Variants in PACRGL observed in about 807,000 individuals in gnomAD.
PACRGL encodes the protein PACRG-like protein.
A neutral mutation model predicts 34.5 loss-of-function variants in PACRGL; 38 were observed. That is an observed-to-expected ratio of 1.10 (90% CI 0.85 to 1.44). PACRGL has a LOEUF of 1.44. Ranked by LOEUF, PACRGL falls within the 40% of genes most tolerant of loss-of-function variation. The probability of loss-of-function intolerance (pLI) is 0.00; values close to 1 mark genes in which losing one functional copy is unlikely to be tolerated. For synonymous variants in PACRGL, 128 were observed against 100.1 expected (o/e 1.28, Z -1.66); for missense variants, 305 against 281.4 (o/e 1.08, Z -0.60).
chr4:20,759,724 G>A, the PACRGL span, among the ~76,000 whole-genome samples: 1 of 152,190 alleles, frequency 6.6e-6, no homozygotes, highest in East Asian at 1.9e-4. Flanking sequence ...CAAGCAAATT[G>A]TCCCCCAATC....
intron 8 of PACRGL, among the ~76,000 whole-genome samples, chr4:20,726,984 G>A (rs146835088): frequency 0.011 from 1,624 of 152,144 alleles, 20 homozygotes; most frequent in Non-Finnish European, 0.014. Flanking sequence ...TAAAGATCAC[G>A]GAACTTAGGC....
chr4:20,722,658 C>G (rs1476548100), intron 7 of PACRGL, among the ~76,000 whole-genome samples: 2 of 152,254 alleles, frequency 1.3e-5, no homozygotes, highest in East Asian at 3.9e-4. Context: ...CGAGCTAATA[C>G]CCTGTGAACC....
intron 5 of PACRGL, 48 bp from the exon 6 acceptor site, chr4:20,712,740 G>A (rs1453456739): frequency 1.5e-6 from 2 of 1,353,602 alleles, no homozygotes; most frequent in Non-Finnish European, 9.6e-7. Context: ...TCTGTTATTA[G>A]CATAATGAAA....
At chr4:20,721,699 G>C (rs1578295659) in intron 7 of PACRGL, among the ~76,000 whole-genome samples, 1 of 152,308 alleles carries the variant, frequency 6.6e-6, no homozygotes. Flanking sequence ...TCGTCTCAGA[G>C]GGGTACTCGG....
chr4:20,740,556 C>A (rs985689432), intron 8 of PACRGL, among the ~76,000 whole-genome samples: 2 of 152,152 alleles, frequency 1.3e-5, no homozygotes, highest in Non-Finnish European at 2.9e-5. Context: ...GCCTGCCTTA[C>A]AAGAGCTTCT....
intron 1 of PACRGL, among the ~76,000 whole-genome samples, chr4:20,701,087 G>T (rs913116554): frequency 1.3e-5 from 2 of 152,188 alleles, no homozygotes; most frequent in Admixed American, 6.5e-5. Flanking sequence ...ATGGAACATG[G>T]TTTCTTTAGT....
intron 8 of PACRGL, among the ~76,000 whole-genome samples, chr4:20,725,748 A>G (rs989871532): frequency 3.9e-5 from 6 of 151,944 alleles, no homozygotes; most frequent in South Asian, 2.1e-4. Flanking sequence ...ACCAATCTCA[A>G]TGAGTTGTTT....
chr4:20,720,960 A>G (rs1000407385), intron 7 of PACRGL, among the ~76,000 whole-genome samples: 6 of 152,090 alleles, frequency 3.9e-5, no homozygotes, highest in Non-Finnish European at 5.9e-5. Flanking sequence ...TTTCAGGTAC[A>G]CCAATCAGAC....
In PACRGL at chr4:20,731,953, A is replaced by T; in HGVS notation, c.*4612A>T. The T allele has an allele frequency of 5.6e-6, 9 of 1,605,402 alleles. 1 individual carries two copies. In the South Asian group the frequency reaches 1.0e-4, roughly 18 times the overall value. ...TCATGGTAGCTAGCTGCTAATACTCAGTTTAGCTGTTATGATAGCTGAATT... is the reference window on the plus strand; with the variant it reads ...TCATGGTAGCTAGCTGCTAATACTCTGTTTAGCTGTTATGATAGCTGAATT... On this transcript the variant is annotated 3_prime_UTR_variant, in exon 9 of 9. Transcript: ENST00000503585.
intron 1 of PACRGL, chr4:20,701,961 T>A (rs1158576291): frequency 2.2e-6 from 1 of 454,608 alleles, no homozygotes. Flanking sequence ...TGAAAGGGGA[T>A]GTAGACGTGT....
upstream of PACRGL, among the ~76,000 whole-genome samples, chr4:20,696,732 C>T (rs1437420920): frequency 1.3e-5 from 2 of 152,160 alleles, no homozygotes; most frequent in Non-Finnish European, 2.9e-5. Flanking sequence ...TGTCAGTGGC[C>T]ATAGCTTTCT....
chr4:20,723,744 C>T (rs1353784833), intron 7 of PACRGL, among the ~76,000 whole-genome samples: 1 of 152,136 alleles, frequency 6.6e-6, no homozygotes, highest in African/African-American at 2.4e-5. Flanking sequence ...CAAGGACTGA[C>T]TGAACGGGTA....
intron 8 of PACRGL, among the ~76,000 whole-genome samples, chr4:20,741,237 G>A (rs1160143986): frequency 1.3e-5 from 2 of 152,148 alleles, no homozygotes; most frequent in African/African-American, 4.8e-5. Flanking sequence ...GACATCTACA[G>A]AACTCTCCAC....
Position 20,729,466 on chromosome 4 carries a change from A to AACTAATTTT in PACRGL, c.*2125_*2126insACTAATTTT, listed in dbSNP as rs773540263. On this transcript the variant is annotated 3_prime_UTR_variant, in exon 9 of 9. Coordinates refer to ENST00000503585, the MANE Select transcript of PACRGL (RefSeq NM_001258345.3). ...ATTAGGCATATGCTGATATCTGATA[A>AACTAATTTT]TAAACTAATTTTTAAATGTTTAATA... 7.6e-6 allele frequency: 1 copy of AACTAATTTT among 132,368 alleles called. No homozygotes were observed. The highest frequency in any genetic ancestry group is 2.6e-5 in the African/African-American group (1 of 38,826). 8.2% of individuals were successfully genotyped at this position (132,368 alleles called of 1,614,324 possible).
chr4:20,753,843 A>G (rs1259777101), downstream of PACRGL, among the ~76,000 whole-genome samples: 1 of 152,196 alleles, frequency 6.6e-6, no homozygotes, highest in East Asian at 1.9e-4. Context: ...GACTCAAGTG[A>G]CTTGCATACA....
chr4:20,746,964 A>G (rs970271278), intron 8 of PACRGL, among the ~76,000 whole-genome samples: 2 of 152,184 alleles, frequency 1.3e-5, no homozygotes, highest in African/African-American at 4.8e-5. Flanking sequence ...CAGGTAGCTA[A>G]TCAATTTAGA....
intron 1 of PACRGL, among the ~76,000 whole-genome samples, chr4:20,701,068 G>A (rs926060690): frequency 1.3e-5 from 2 of 152,180 alleles, no homozygotes; most frequent in African/African-American, 4.8e-5. Flanking sequence ...ATTTGACAGA[G>A]CTTTACAAAT....
At chr4:20,756,588 T>TG (rs1754480426), downstream of PACRGL, among the ~76,000 whole-genome samples, 1 of 151,982 alleles carries the variant, frequency 6.6e-6, no homozygotes, top group Non-Finnish European at 1.5e-5. Flanking sequence ...CTCTATTGGT[T>TG]GTCGCTGTTT....
At chr4:20,709,413 T>C (rs1578161793) in intron 4 of PACRGL, among the ~76,000 whole-genome samples, 1 of 152,358 alleles carries the variant, frequency 6.6e-6, no homozygotes, top group East Asian at 1.9e-4. Flanking sequence ...AGATATCACC[T>C]GGCATATCTG....
Sources: allele counts gnomAD v4.1 joint callset (sites outside exome capture counted in the v4.1 genomes callset), GRCh38; gene constraint gnomAD v4.1.1; transcripts MANE v1.5; gene names NCBI Gene and HGNC (gene_info 2026-07-23, HGNC 2026-07-21).